TRPM3: variants seen among roughly 807,000 people sequenced by gnomAD.
TRPM3 encodes transient receptor potential cation channel subfamily M member 3.
TRPM3 carries 77 observed loss-of-function variants against 181.2 expected under a neutral mutation model. That is an observed-to-expected ratio of 0.42 (90% CI 0.35 to 0.51). The LOEUF is 0.51. Among genes scored for constraint, TRPM3 ranks in the 20% least tolerant of loss-of-function variants. The pLI is 0.01. For missense variants in TRPM3, 1,759 were observed against 2,196.7 expected (o/e 0.80, Z 3.98); for synonymous variants, 745 against 796.4 (o/e 0.94, Z 1.09).
At chr9:70,898,790 A>G (rs1004110274) in intron 1 of TRPM3, among the ~76,000 whole-genome samples, 5 of 151,798 alleles carry the variant, frequency 3.3e-5, no homozygotes, top group Non-Finnish European at 5.9e-5. Context: ...AAGAAAAGAA[A>G]GAAAAAATTT....
intron 1 of TRPM3, among the ~76,000 whole-genome samples, chr9:71,104,313 G>A (rs1476474104): frequency 6.6e-6 from 1 of 152,154 alleles, no homozygotes; most frequent in African/African-American, 2.4e-5. Flanking sequence ...GTTAACTTCA[G>A]ATAGTTAAAT....
At chr9:71,307,988 G>A (rs1322828817) in intron 1 of TRPM3, among the ~76,000 whole-genome samples, 1 of 84,884 alleles carries the variant, frequency 1.2e-5, no homozygotes, top group South Asian at 3.3e-4. Context: ...TTTTTTTTTT[G>A]AGATGGAGTT....
intron 1 of TRPM3, among the ~76,000 whole-genome samples, chr9:71,160,173 A>G (rs879923969): frequency 6.6e-6 from 1 of 152,102 alleles, no homozygotes; most frequent in Non-Finnish European, 1.5e-5. Flanking sequence ...ATTCTCCCCT[A>G]AAATATCTTA....
chr9:71,436,292 T>C (rs1430957630), intron 1 of TRPM3, among the ~76,000 whole-genome samples: 1 of 48,036 alleles, frequency 2.1e-5, no homozygotes, highest in African/African-American at 3.7e-5. Flanking sequence ...TCTTTTTTTT[T>C]TCTTTCTTTT....
intron 9 of TRPM3, among the ~76,000 whole-genome samples, chr9:70,656,637 G>A (rs2060381578): frequency 6.6e-6 from 1 of 152,066 alleles, no homozygotes; most frequent in Admixed American, 6.6e-5. Context: ...AATAATCTAG[G>A]TAAACAAAAT....
chr9:71,238,637 G>A (rs1351258185), intron 1 of TRPM3, among the ~76,000 whole-genome samples: 1 of 152,080 alleles, frequency 6.6e-6, no homozygotes, highest in African/African-American at 2.4e-5. Flanking sequence ...TCCTTCAAAG[G>A]CCATTTACTT....
intron 9 of TRPM3, among the ~76,000 whole-genome samples, chr9:70,640,997 T>C (rs1186021693): frequency 1.3e-5 from 2 of 152,186 alleles, no homozygotes; most frequent in African/African-American, 4.8e-5. Context: ...AAGTTCATTG[T>C]AGATTATTAA....
At chr9:70,666,718 G>C (rs1225997052) in intron 9 of TRPM3, among the ~76,000 whole-genome samples, 1 of 152,036 alleles carries the variant, frequency 6.6e-6, no homozygotes, top group Non-Finnish European at 1.5e-5. Flanking sequence ...TCTATATTAT[G>C]ATAGTATGAC....
In TRPM3 at chr9:71,382,352, T is replaced by C. The variant is rs1336167458; in HGVS notation, c.183+64301A>G. Among the ~76,000 whole-genome samples the C allele has an allele frequency of 2.0e-5, 3 of 152,282 alleles. No homozygotes were observed. The East Asian group carries it at 5.8e-4, about 29-fold the overall frequency. On this transcript the variant is annotated intron_variant, in intron 1 of 24. Coordinates refer to the TRPM3 transcript ENST00000357533. ...AAAAAATTTTCCATGCGTCATTTCA[T>C]GCTAAGTAAAATTTTCTTGTACTTT... is the stretch of plus-strand genomic sequence containing the variant.
At chr9:70,577,078 T>C (rs2054228756) in intron 22 of TRPM3, among the ~76,000 whole-genome samples, 2 of 152,312 alleles carry the variant, frequency 1.3e-5, no homozygotes, top group Non-Finnish European at 2.9e-5. Flanking sequence ...GTTGGACTTA[T>C]TTTCTCCCTG....
At chr9:70,698,659 C>T (rs1364163771) in intron 8 of TRPM3, among the ~76,000 whole-genome samples, 1 of 152,012 alleles carries the variant, frequency 6.6e-6, no homozygotes, top group Admixed American at 6.6e-5. Context: ...ATTGTAATCC[C>T]CGGTGTTGGA....
chr9:71,402,329 G>A (rs928541562), intron 1 of TRPM3, among the ~76,000 whole-genome samples: 2 of 152,146 alleles, frequency 1.3e-5, no homozygotes, highest in Non-Finnish European at 2.9e-5. Context: ...CAGAAAAGAG[G>A]TGTCTAAATT....
chr9:71,177,176 GT>G (rs1482073843), intron 1 of TRPM3, among the ~76,000 whole-genome samples: 3 of 152,060 alleles, frequency 2.0e-5, no homozygotes, highest in East Asian at 1.9e-4. Context: ...CTTGTGATCG[GT>G]TTTTGTCTCC....
intron 1 of TRPM3, among the ~76,000 whole-genome samples, chr9:71,221,389 TAA>T (rs2080230874): frequency 6.6e-6 from 1 of 152,224 alleles, no homozygotes; most frequent in South Asian, 2.1e-4. Context: ...TAAATACATA[TAA>T]GTTTAAATTT....
chr9:71,156,376 G>GAT (rs2076000227), intron 1 of TRPM3, among the ~76,000 whole-genome samples: 1 of 138,372 alleles, frequency 7.2e-6, no homozygotes, highest in Non-Finnish European at 1.6e-5. Context: ...ATATACTACA[G>GAT]ACACACACAC....
At chr9:70,807,832 A>G (rs1460860391) in intron 6 of TRPM3, among the ~76,000 whole-genome samples, 1 of 152,170 alleles carries the variant, frequency 6.6e-6, no homozygotes, top group Admixed American at 6.5e-5. Flanking sequence ...GGAGGATACC[A>G]GGGTATGAGC....
At chr9:70,668,677 A>G (rs1233525684) in intron 9 of TRPM3, among the ~76,000 whole-genome samples, 4 of 147,498 alleles carry the variant, frequency 2.7e-5, no homozygotes, top group African/African-American at 1.0e-4. Flanking sequence ...AAAAAGAAAA[A>G]AAAAAAAAAA....
At chr9:71,236,702 G>T (rs1169421724) in intron 1 of TRPM3, among the ~76,000 whole-genome samples, 1 of 152,110 alleles carries the variant, frequency 6.6e-6, no homozygotes, top group African/African-American at 2.4e-5. Flanking sequence ...GATAAATGTA[G>T]GCATGTGCTT....
intron 1 of TRPM3, among the ~76,000 whole-genome samples, chr9:71,255,726 G>A (rs985125085): frequency 6.6e-6 from 1 of 152,052 alleles, no homozygotes; most frequent in Non-Finnish European, 1.5e-5. Flanking sequence ...TTGTAACCTT[G>A]GGCAAGTCTT....
Sources: allele counts gnomAD v4.1 joint callset (sites outside exome capture counted in the v4.1 genomes callset), GRCh38; gene constraint gnomAD v4.1.1; transcripts MANE v1.5; gene names NCBI Gene and HGNC (gene_info 2026-07-23, HGNC 2026-07-21).